GRHL2: variants seen among roughly 807,000 people sequenced by gnomAD.
GRHL2 encodes grainyhead like transcription factor 2, also known as grainyhead-like protein 2 homolog.
GRHL2 carries 21 observed loss-of-function variants against 83.8 expected under a neutral mutation model. That is an observed-to-expected ratio of 0.25 (90% CI 0.18 to 0.36). GRHL2 has a LOEUF of 0.36. Among genes scored for constraint, GRHL2 ranks in the 10% least tolerant of loss-of-function variants. The pLI, the probability that GRHL2 is intolerant of heterozygous loss-of-function variation, is 1.00. For missense variants in GRHL2, 623 were observed against 781.8 expected, an observed-to-expected ratio of 0.80 and a Z score of 2.42; for synonymous variants, 280 against 278.9, an observed-to-expected ratio of 1.00 and a Z score of -0.04.
intron 14 of GRHL2, among the ~76,000 whole-genome samples, chr8:101,661,394 G>A (rs1813917813): frequency 6.6e-6 from 1 of 152,012 alleles, no homozygotes. Context: ...GTCCTGGGGA[G>A]GACTAGTTCC....
At chr8:101,578,976 C>T (rs1253439266) in intron 7 of GRHL2, among the ~76,000 whole-genome samples, 2 of 152,130 alleles carry the variant, frequency 1.3e-5, no homozygotes, top group Non-Finnish European at 2.9e-5. Context: ...ACATATTTAT[C>T]GAATAAACAA....
intron 8 of GRHL2, among the ~76,000 whole-genome samples, chr8:101,605,474 G>C (rs1812614670): frequency 6.6e-6 from 1 of 152,190 alleles, no homozygotes; most frequent in Non-Finnish European, 1.5e-5. Context: ...GGTACAACCT[G>C]TTTGTATCCA....
At chr8:101,656,934 G>A (rs1026038676) in intron 14 of GRHL2, among the ~76,000 whole-genome samples, 3 of 143,872 alleles carry the variant, frequency 2.1e-5, no homozygotes, top group Non-Finnish European at 4.5e-5. Flanking sequence ...CTATGAGGTG[G>A]AGAGGCAGAC....
intron 10 of GRHL2, 34 bp from the exon 11 acceptor site, chr8:101,632,190 ACT>A (rs1563617010): frequency 1.9e-6 from 3 of 1,611,952 alleles, no homozygotes; most frequent in South Asian, 2.2e-5. Context: ...GTCATATATG[ACT>A]CTCTCATTTA....
At chr8:101,523,708 G>C (rs946562434) in intron 1 of GRHL2, among the ~76,000 whole-genome samples, 1 of 151,780 alleles carries the variant, frequency 6.6e-6, no homozygotes, top group Admixed American at 6.6e-5. Context: ...TGAATTCCTG[G>C]GCTCAAACGA....
At chr8:101,511,377 A>C (rs1810461655) in intron 1 of GRHL2, among the ~76,000 whole-genome samples, 1 of 152,214 alleles carries the variant, frequency 6.6e-6, no homozygotes, top group Admixed American at 6.5e-5. Context: ...AAATATGCTT[A>C]TTGCTGCCTA....
chr8:101,666,720 C>A lies in GRHL2; in HGVS notation c.*17C>A. The A allele has an allele frequency of 1.3e-6, 2 of 1,512,224 alleles. No homozygotes were observed. The highest frequency in any genetic ancestry group is 1.8e-6 in the Non-Finnish European group (2 of 1,087,418). The allele number at this position is 1,512,224 out of a possible 1,614,324, so 93.7% of individuals were successfully genotyped here. A position where few individuals can be genotyped will look rare whatever the true frequency, so the allele number is the denominator to read the frequency against. On this transcript the variant is annotated 3_prime_UTR_variant, in exon 16 of 16. Coordinates refer to ENST00000646743, the MANE Select transcript of GRHL2 (RefSeq NM_024915.4). ...GAAATCTAGCCCTGGGTTTGGCATC[C>A]GCTTTGGCTGGAGCTCTCAGTGCGT...
intron 7 of GRHL2, among the ~76,000 whole-genome samples, chr8:101,596,421 A>T (rs1435252946): frequency 5.9e-5 from 9 of 152,190 alleles, no homozygotes; most frequent in Non-Finnish European, 8.8e-5. Flanking sequence ...TGCTACTTTC[A>T]CTTCTAAGAA....
At chr8:101,533,841 T>C (rs1208422613) in intron 1 of GRHL2, among the ~76,000 whole-genome samples, 1 of 152,072 alleles carries the variant, frequency 6.6e-6, no homozygotes, top group Non-Finnish European at 1.5e-5. Context: ...GTGGGACCAG[T>C]GCAGCAAGAT....
intron 8 of GRHL2, among the ~76,000 whole-genome samples, chr8:101,617,530 A>T (rs1812880278): frequency 6.6e-6 from 1 of 152,054 alleles, no homozygotes; most frequent in Admixed American, 6.5e-5. Context: ...TTGAGATAGG[A>T]TCTCTCTCTG....
chr8:101,565,020 G>C (rs575636501), intron 4 of GRHL2, among the ~76,000 whole-genome samples: 1 of 152,254 alleles, frequency 6.6e-6, no homozygotes, highest in East Asian at 1.9e-4. Context: ...TGTGTGAAGG[G>C]AAATAATGCT....
chr8:101,587,506 T>A (rs989723554), intron 7 of GRHL2, among the ~76,000 whole-genome samples: 2 of 152,272 alleles, frequency 1.3e-5, no homozygotes, highest in African/African-American at 4.8e-5. Context: ...GTCATTTTTT[T>A]AAATACACAT....
intron 1 of GRHL2, among the ~76,000 whole-genome samples, chr8:101,537,104 T>A (rs1811059750): frequency 6.6e-6 from 1 of 152,232 alleles, no homozygotes; most frequent in South Asian, 2.1e-4. Context: ...AAGGACATGA[T>A]CTTGTTCTTT....
intron 2 of GRHL2, among the ~76,000 whole-genome samples, chr8:101,546,822 A>T (rs1031743230): frequency 2.0e-5 from 3 of 152,226 alleles, no homozygotes; most frequent in Non-Finnish European, 4.4e-5. Flanking sequence ...TGGTACCCAG[A>T]TTACTTGTCC....
At chr8:101,581,152 C>T (rs75396210) in intron 7 of GRHL2, among the ~76,000 whole-genome samples, 1,689 of 152,348 alleles carry the variant, frequency 0.011, 15 homozygotes, top group Non-Finnish European at 0.018. Flanking sequence ...TCTGTGCCTT[C>T]CTCTCCAGAC....
At chr8:101,661,435 A>G (rs923717660) in intron 14 of GRHL2, among the ~76,000 whole-genome samples, 1 of 152,178 alleles carries the variant, frequency 6.6e-6, no homozygotes, top group Admixed American at 6.5e-5. Flanking sequence ...AAATCCACAG[A>G]TGCTCAAGTC....
At chr8:101,538,304 C>T (rs1811086450) in intron 1 of GRHL2, among the ~76,000 whole-genome samples, 1 of 152,118 alleles carries the variant, frequency 6.6e-6, no homozygotes, top group Admixed American at 6.5e-5. Context: ...GATCTGGAGC[C>T]TTGGAGACTG....
chr8:101,645,321 C>T (rs534040956), intron 13 of GRHL2, among the ~76,000 whole-genome samples: 128 of 151,858 alleles, frequency 8.4e-4, no homozygotes, highest in Non-Finnish European at 1.2e-3. Context: ...TTAGTAGAGA[C>T]GGGGTTTCAC....
chr8:101,667,071 C>T lies in GRHL2; in HGVS notation c.*368C>T, dbSNP rs1814082264. 4 of 331,680 alleles carry T rather than the reference C, an allele frequency of 1.2e-5. No homozygotes were observed. In the South Asian group the frequency reaches 1.4e-4, roughly 12 times the overall value. 20.5% of individuals were successfully genotyped at this position (331,680 alleles called of 1,614,324 possible). A position where few individuals can be genotyped will look rare whatever the true frequency, so the allele number is the denominator to read the frequency against. On this transcript the variant is annotated 3_prime_UTR_variant, in exon 16 of 16. Transcript: ENST00000646743. ...CAAGAGAAACACTCATCCCGAACAG[C>T]CTAAAAAATTCCCATCCCTTCTCTC...
Sources: allele counts gnomAD v4.1 joint callset (sites outside exome capture counted in the v4.1 genomes callset), GRCh38; gene constraint gnomAD v4.1.1; transcripts MANE v1.5; gene names NCBI Gene and HGNC (gene_info 2026-07-23, HGNC 2026-07-21).